Variants in C10orf90 observed in about 807,000 individuals in gnomAD.
The protein encoded by C10orf90 is chromosome 10 open reading frame 90, also known as (E2-independent) E3 ubiquitin-conjugating enzyme FATS.
In C10orf90, 56 loss-of-function variants were observed where a neutral mutation model predicts 62.5. That is an observed-to-expected ratio of 0.90 (90% CI 0.72 to 1.12). The LOEUF is 1.12. C10orf90 is among the 50% of genes most tolerant of loss of function. The probability of loss-of-function intolerance (pLI) is 0.00; values close to 1 mark genes in which losing one functional copy is unlikely to be tolerated. For synonymous variants in C10orf90, 386 were observed against 340.4 expected (o/e 1.13, Z -1.47); for missense variants, 970 against 880.4 (o/e 1.10, Z -1.29).
At chr10:126,431,109 T>G (rs1217062933) in intron 7 of C10orf90, among the ~76,000 whole-genome samples, 2 of 152,182 alleles carry the variant, frequency 1.3e-5, no homozygotes, top group East Asian at 3.8e-4. Flanking sequence ...TTGGAATATT[T>G]CCAACTAAGT....
At chr10:126,475,150 T>G (rs1232586524) in intron 4 of C10orf90, among the ~76,000 whole-genome samples, 1 of 151,954 alleles carries the variant, frequency 6.6e-6, no homozygotes, top group Non-Finnish European at 1.5e-5. Context: ...CCCTGGAGAG[T>G]CTTTGAGCTA....
At chr10:126,519,037 C>T (rs564939480) in intron 2 of C10orf90, among the ~76,000 whole-genome samples, 9 of 152,274 alleles carry the variant, frequency 5.9e-5, no homozygotes, top group Non-Finnish European at 1.3e-4. Flanking sequence ...GAGAAAGTCA[C>T]GGCTTTGCTA....
chr10:126,565,250 TTATATTA>T (rs1844336400), intron 2 of C10orf90, among the ~76,000 whole-genome samples: 1 of 22,772 alleles, frequency 4.4e-5, no homozygotes, highest in Non-Finnish European at 9.6e-5. Flanking sequence ...ATAATATTTA[TTATATTA>T]TATATTTATA....
chr10:126,437,534 C>T (rs559969558), intron 7 of C10orf90, among the ~76,000 whole-genome samples: 1 of 152,150 alleles, frequency 6.6e-6, no homozygotes, highest in Non-Finnish European at 1.5e-5. Flanking sequence ...TAAATCCCTA[C>T]ATGGGTTTTG....
At chr10:126,533,947 C>T (rs1350313416) in intron 2 of C10orf90, among the ~76,000 whole-genome samples, 1 of 152,106 alleles carries the variant, frequency 6.6e-6, no homozygotes, top group Non-Finnish European at 1.5e-5. Flanking sequence ...TTGGGTGGCA[C>T]CTTGCCACTG....
intron 2 of C10orf90, among the ~76,000 whole-genome samples, chr10:126,567,677 G>A (rs985987175): frequency 6.6e-6 from 1 of 152,104 alleles, no homozygotes; most frequent in African/African-American, 2.4e-5. Flanking sequence ...ATCGAGACTC[G>A]ACTGCATTCT....
intron 7 of C10orf90, among the ~76,000 whole-genome samples, chr10:126,444,784 A>G (rs2134041264): frequency 1.3e-5 from 2 of 152,320 alleles, no homozygotes; most frequent in Non-Finnish European, 2.9e-5. Flanking sequence ...CTATAAGGCC[A>G]TAGTCACCAA....
intron 2 of C10orf90, among the ~76,000 whole-genome samples, chr10:126,538,631 C>T (rs540025609): frequency 6.6e-6 from 1 of 152,336 alleles, no homozygotes; most frequent in Non-Finnish European, 1.5e-5. Flanking sequence ...CCTATAACTC[C>T]TCCAGCAAAT....
At chr10:126,546,535 C>G (rs1303409196) in intron 2 of C10orf90, among the ~76,000 whole-genome samples, 2 of 152,146 alleles carry the variant, frequency 1.3e-5, no homozygotes, top group Non-Finnish European at 2.9e-5. Flanking sequence ...CAGGGTAGTT[C>G]AGGGGAAGCC....
At chr10:126,426,147 G>C in intron 8 of C10orf90, 57 bp from the exon 9 acceptor site, 1 of 1,361,694 alleles carries the variant, frequency 7.3e-7, no homozygotes, top group Non-Finnish European at 1.0e-6. Flanking sequence ...CTCCCGCTGT[G>C]GGGCTGCATC....
chr10:126,601,410 G>T (rs1476677595), intron 2 of C10orf90, among the ~76,000 whole-genome samples: 2 of 152,184 alleles, frequency 1.3e-5, no homozygotes, highest in Non-Finnish European at 2.9e-5. Flanking sequence ...AGCCATTTTA[G>T]TATCTATGTG....
At chr10:126,662,664 C>T (rs536852053) in intron 1 of C10orf90, among the ~76,000 whole-genome samples, 18 of 152,194 alleles carry the variant, frequency 1.2e-4, no homozygotes, top group Non-Finnish European at 2.2e-4. Context: ...TCTGTCCCCC[C>T]ACGCCTGGAA....
chr10:126,585,153 G>T (rs1330555409), intron 2 of C10orf90, among the ~76,000 whole-genome samples: 6 of 151,560 alleles, frequency 4.0e-5, no homozygotes, highest in Admixed American at 3.9e-4. Context: ...AAGAATAAAG[G>T]TAAGGTCTGA....
intron 2 of C10orf90, among the ~76,000 whole-genome samples, chr10:126,613,511 G>T (rs1360101709): frequency 6.6e-6 from 1 of 152,170 alleles, no homozygotes; most frequent in Non-Finnish European, 1.5e-5. Flanking sequence ...CTCCCAAAGT[G>T]CTGGGATTAC....
chr10:126,557,290 G>T (rs536532626), intron 2 of C10orf90, among the ~76,000 whole-genome samples: 8 of 151,878 alleles, frequency 5.3e-5, no homozygotes, highest in Non-Finnish European at 1.0e-4. Context: ...GACCATCCTG[G>T]CTAACACGGT....
rs1846693099 is a variant in C10orf90, at chr10:126,669,028, A to G, written c.240+1213T>C. Among the ~76,000 whole-genome samples the G allele has an allele frequency of 2.6e-5, 4 of 152,360 alleles. No homozygotes were observed. In the South Asian group the frequency reaches 8.3e-4, roughly 32 times the overall value. On this transcript the variant is annotated intron_variant, in intron 1 of 9. Coordinates refer to ENST00000488181, the MANE Select transcript of C10orf90 (RefSeq NM_001350921.2). ...GAACAATGCATAATAATGTAATTCA[A>G]CAAGTTTTTCTCTCTCTGGAGGACT...
At position 126,456,167 on chromosome 10, in the gene C10orf90, A is replaced by AGGC. The variant is rs1859559419; in HGVS notation, c.2188+2870_2188+2872dup. On this transcript the variant is annotated intron_variant, in intron 7 of 9. Transcript: ENST00000488181. The surrounding 1 kb of genome is among the most constrained non-coding windows in gnomAD (Gnocchi z 4.9). ...TGCTTTTATCATCTTGCCAGCAGAC[A>AGGC]GGCTGAAGACAAGATGTGTACTGCA... Among the ~76,000 whole-genome samples, 1 of 152,262 alleles carries AGGC rather than the reference A, an allele frequency of 6.6e-6. No individual in the cohort carries two copies. Among genetic ancestry groups the AGGC allele is most frequent in the Admixed American group, 6.5e-5 (1 of 15,288 alleles).
chr10:126,470,179 A>G (rs954015166), intron 4 of C10orf90: 6 of 395,844 alleles, frequency 1.5e-5, no homozygotes, highest in Non-Finnish European at 3.1e-5. Flanking sequence ...GAGAGAAGGC[A>G]TTTTTCTGCA....
chr10:126,556,590 C>T (rs1447584388), intron 2 of C10orf90, among the ~76,000 whole-genome samples: 2 of 152,098 alleles, frequency 1.3e-5, no homozygotes, highest in African/African-American at 4.8e-5. Context: ...TGTGGAACTC[C>T]AGCAGAGTGC....
Sources: allele counts gnomAD v4.1 joint callset (sites outside exome capture counted in the v4.1 genomes callset), GRCh38; gene constraint gnomAD v4.1.1; non-coding constraint Gnocchi (gnomAD v3.1); transcripts MANE v1.5; gene names NCBI Gene and HGNC (gene_info 2026-07-23, HGNC 2026-07-21).